Variants in PACRGL observed in about 807,000 individuals in gnomAD.
The protein encoded by PACRGL is PACRG-like protein.
Under a neutral mutation model 34.5 loss-of-function variants are expected in PACRGL, and 38 were observed. That is an observed-to-expected ratio of 1.10 (90% confidence interval 0.85 to 1.44). The LOEUF (loss-of-function observed/expected upper bound fraction) is 1.44, where lower values mean the gene tolerates loss of function less well. Among genes scored for constraint, PACRGL ranks in the 40% most tolerant of loss-of-function variants. The probability of loss-of-function intolerance (pLI) is 0.00; values close to 1 mark genes in which losing one functional copy is unlikely to be tolerated. For missense variants in PACRGL, 305 were observed against 281.4 expected (o/e 1.08, Z -0.60); for synonymous variants, 128 against 100.1 (o/e 1.28, Z -1.66).
chr4:20,725,156 G>A (rs1461726853), intron 8 of PACRGL, among the ~76,000 whole-genome samples: 3 of 152,112 alleles, frequency 2.0e-5, no homozygotes, highest in African/African-American at 4.8e-5. Context: ...TCAGTGTGGC[G>A]CAGTGGTACA....
In PACRGL at chr4:20,704,478, A is replaced by G. The variant is rs1280055063; in HGVS notation, c.-4A>G. On this transcript the variant is annotated 5_prime_UTR_variant, in exon 2 of 9. Coordinates refer to ENST00000503585, the MANE Select transcript of PACRGL (RefSeq NM_001258345.3). ...TTTTAAACTGCAGGAGTGAAAGGGA[A>G]GCAATGCAGAAATCAGAGGGCTCTG... The G allele has an allele frequency of 3.1e-6, 5 of 1,613,752 alleles. No individual in the cohort carries two copies. Among genetic ancestry groups the G allele is most frequent in the Non-Finnish European group, 4.2e-6 (5 of 1,179,930 alleles).
rs772785267 is a variant in PACRGL at position 20,727,386 on chromosome 4, C to G, written c.*45C>G. ...TTGTTTTTTCTACCTGTTGACGTGT[C>G]AAGCACTAACTGTGGGTACTCATTT... On this transcript the variant is annotated 3_prime_UTR_variant, in exon 9 of 9. Transcript: ENST00000503585. 3.6e-5 allele frequency: 52 copies of G among 1,441,438 alleles called. No homozygotes were observed. In the South Asian group the frequency reaches 4.7e-4, roughly 13 times the overall value. 89.3% of individuals were successfully genotyped at this position (1,441,438 alleles called of 1,614,324 possible).
At chr4:20,705,840 A>G (rs964855114) in intron 3 of PACRGL, among the ~76,000 whole-genome samples, 2 of 150,262 alleles carry the variant, frequency 1.3e-5, no homozygotes, top group Non-Finnish European at 2.9e-5. Context: ...GTTGGAAGTC[A>G]GAATAATGTT....
intron 5 of PACRGL, among the ~76,000 whole-genome samples, chr4:20,710,955 A>G (rs1015605420): frequency 6.6e-6 from 1 of 152,110 alleles, no homozygotes. Context: ...TAGGAGGCCA[A>G]GGTAGGAGGA....
downstream of PACRGL, among the ~76,000 whole-genome samples, chr4:20,755,339 C>A (rs532505200): frequency 2.0e-5 from 3 of 152,190 alleles, no homozygotes; most frequent in Admixed American, 6.5e-5. Flanking sequence ...CAAAGGAAAT[C>A]TGACTTTTGT....
rs145887596 is a variant in PACRGL at position 20,729,281 on chromosome 4, T to TTTTG, written c.*1945_*1948dup. ...TTGCATATGTCTGTAAACATCCTTG[T>TTTTG]TTTGTTTGATGCCTTCTTCAACTTC... is the stretch of plus-strand genomic sequence containing the variant. On this transcript the variant is annotated 3_prime_UTR_variant, in exon 9 of 9. Coordinates refer to ENST00000503585, the MANE Select transcript of PACRGL (RefSeq NM_001258345.3). 13 of 152,570 alleles carry TTTTG rather than the reference T, an allele frequency of 8.5e-5. No homozygotes were observed. Among genetic ancestry groups the TTTTG allele is most frequent in the African/African-American group, 3.1e-4 (13 of 41,548 alleles). The allele number at this position is 152,570 out of a possible 1,614,324, so 9.5% of individuals were successfully genotyped here. A position where few individuals can be genotyped will look rare whatever the true frequency, so the allele number is the denominator to read the frequency against.
intron 8 of PACRGL, among the ~76,000 whole-genome samples, chr4:20,740,448 C>T (rs897746160): frequency 1.3e-5 from 2 of 152,116 alleles, no homozygotes; most frequent in African/African-American, 4.8e-5. Flanking sequence ...GAATTTTCAA[C>T]CCAGAATTTC....
At chr4:20,760,337 A>G in the PACRGL span, among the ~76,000 whole-genome samples, 3 of 152,248 alleles carry the variant, frequency 2.0e-5, no homozygotes, top group East Asian at 5.8e-4. Context: ...TATTCTGTGT[A>G]CTCTAAATTT....
chr4:20,700,314 C>G (rs1731603401), upstream of PACRGL: 3 of 152,246 alleles, frequency 2.0e-5, no homozygotes, highest in South Asian at 4.1e-4. Flanking sequence ...TGAGCTGCCC[C>G]CTGAACTCCT....
Position 20,728,950 on chromosome 4 carries a change from A to AAATCAATC in PACRGL, c.*1614_*1615insATCAATCA, listed in dbSNP as rs149943850. On this transcript the variant is annotated 3_prime_UTR_variant, in exon 9 of 9. Coordinates refer to ENST00000503585, the MANE Select transcript of PACRGL (RefSeq NM_001258345.3). The stretch of plus-strand genomic sequence containing the variant: ...AAAATAATCTGAATTATGATGAGCT[A>AAATCAATC]AATCATACTGTAATCTGGATTAGTT... 6.6e-6 allele frequency: 1 copy of AAATCAATC among 152,232 alleles called. No individual in the cohort carries two copies. Among genetic ancestry groups the AAATCAATC allele is most frequent in the African/African-American group, 2.4e-5 (1 of 41,452 alleles). 9.4% of individuals were successfully genotyped at this position (152,232 alleles called of 1,614,324 possible).
At chr4:20,700,910 G>A (rs148984916) in intron 1 of PACRGL, 123 bp downstream of exon 1, 64 of 152,288 alleles carry the variant, frequency 4.2e-4, no homozygotes, top group African/African-American at 1.3e-3. Context: ...GTATCTAGAA[G>A]TGAGTGTAGG....
At chr4:20,761,063 G>A in the PACRGL span, among the ~76,000 whole-genome samples, 4 of 152,272 alleles carry the variant, frequency 2.6e-5, no homozygotes, top group South Asian at 2.1e-4. Flanking sequence ...CACAATGTGA[G>A]GGGGCCTCAT....
chr4:20,766,974 C>T, the PACRGL span: 1 of 152,120 alleles, frequency 6.6e-6, no homozygotes, highest in African/African-American at 2.4e-5. Context: ...CAGAGAGCTG[C>T]TATAAGAATG....
At chr4:20,764,735 G>T in the PACRGL span, among the ~76,000 whole-genome samples, 1 of 148,560 alleles carries the variant, frequency 6.7e-6, no homozygotes, top group African/African-American at 2.5e-5. Context: ...GCAATAATTT[G>T]CTTCCCTCAT....
intron 8 of PACRGL, among the ~76,000 whole-genome samples, chr4:20,742,937 C>T (rs79667669): frequency 1.3e-5 from 2 of 151,816 alleles, no homozygotes; most frequent in South Asian, 4.2e-4. Context: ...CAAACAGAGC[C>T]AAATCATGAG....
the PACRGL span, among the ~76,000 whole-genome samples, chr4:20,763,362 A>AGCT: frequency 6.6e-6 from 1 of 152,210 alleles, no homozygotes; most frequent in African/African-American, 2.4e-5. Flanking sequence ...TGTACAGATC[A>AGCT]GCTGATGGTT....
chr4:20,698,754 G>A (rs912960111), upstream of PACRGL, among the ~76,000 whole-genome samples: 4 of 152,134 alleles, frequency 2.6e-5, no homozygotes, highest in East Asian at 1.9e-4. Flanking sequence ...CCGTGTCATC[G>A]TCCATGGTTC....
chr4:20,742,138 G>T (rs534480231), intron 8 of PACRGL, among the ~76,000 whole-genome samples: 4 of 152,168 alleles, frequency 2.6e-5, no homozygotes, highest in Non-Finnish European at 1.5e-5. Flanking sequence ...TTCTACCAGA[G>T]GTACAAAGAG....
At chr4:20,758,424 A>G in the PACRGL span, among the ~76,000 whole-genome samples, 3 of 152,216 alleles carry the variant, frequency 2.0e-5, no homozygotes, top group South Asian at 2.1e-4. Flanking sequence ...ACCTTCTCCA[A>G]TCCCCAGATT....
Sources: gnomAD v4.1 joint callset for allele counts (sites outside exome capture counted in the v4.1 genomes callset) on GRCh38, gnomAD v4.1.1 for gene constraint, MANE v1.5 for transcripts, NCBI Gene and HGNC (gene_info 2026-07-23, HGNC 2026-07-21) for gene names.